The following C6 variants were observed in gnomAD, a reference collection of about 807,000 sequenced individuals.
C6 encodes the protein complement C6.
Under a neutral mutation model 112.9 loss-of-function variants are expected in C6, and 101 were observed. The observed-to-expected ratio is 0.89, with a 90% confidence interval of 0.76 to 1.06. C6 has a LOEUF of 1.06. Among genes scored for constraint, C6 ranks in the 50% least tolerant of loss-of-function variants. The probability of loss-of-function intolerance (pLI) is 0.00; values close to 1 mark genes in which losing one functional copy is unlikely to be tolerated. For synonymous variants in C6, 431 were observed against 384.1 expected (o/e 1.12, Z -1.43); for missense variants, 1,202 against 1,104.6 (o/e 1.09, Z -1.25).
At position 41,153,980 on chromosome 5, in the gene C6, G is replaced by A. The variant is rs1242134972; in HGVS notation, c.2120C>T (p.Pro707Leu). 2 of 1,613,514 alleles carry A rather than the reference G, an allele frequency of 1.2e-6. No individual in the cohort carries two copies. Among genetic ancestry groups the A allele is most frequent in the Admixed American group, 1.7e-5 (1 of 59,964 alleles). ...AATTGTCAGGACTTCCTGCACAACT[G>A]GCTTGATGCACTCCGTCCCTGCAAG... ...VECQRTECIK[P>L]VVQEVLTITP... The change falls in exon 15 of 18, where the codon CCA (proline) becomes CTA (leucine). Residue 707 changes from proline to leucine, a missense_variant. Coordinates refer to ENST00000337836, the MANE Select transcript of C6 (RefSeq NM_000065.5).
chr5:41,192,426 G>C (rs914831907), intron 5 of C6, among the ~76,000 whole-genome samples: 1 of 152,002 alleles, frequency 6.6e-6, no homozygotes, highest in East Asian at 1.9e-4. Flanking sequence ...GTTCCCTTTC[G>C]ATTTTTTGGG....
chr5:41,212,605 C>A (rs1305335448), intron 1 of C6, among the ~76,000 whole-genome samples: 1 of 152,124 alleles, frequency 6.6e-6, no homozygotes, highest in Non-Finnish European at 1.5e-5. Context: ...AGGCATTTTA[C>A]CCATTACTGT....
At chr5:41,223,334 C>T (rs1739293851) in intron 1 of C6, among the ~76,000 whole-genome samples, 1 of 152,084 alleles carries the variant, frequency 6.6e-6, no homozygotes, top group Non-Finnish European at 1.5e-5. Context: ...AATAAAAATG[C>T]TTTTTCTGCT....
intron 16 of C6, 47 bp from the exon 17 acceptor site, chr5:41,149,529 A>G: frequency 6.2e-7 from 1 of 1,610,546 alleles, no homozygotes; most frequent in Non-Finnish European, 8.5e-7. Flanking sequence ...GATCAGAAAA[A>G]AACAGGGGGC....
intron 1 of C6, among the ~76,000 whole-genome samples, chr5:41,209,886 CA>C (rs1262236529): frequency 2.0e-5 from 3 of 152,114 alleles, no homozygotes; most frequent in Non-Finnish European, 4.4e-5. Flanking sequence ...CATATGGTAC[CA>C]AAAAAGAGCC....
At chr5:41,194,436 A>C (rs540683817) in intron 5 of C6, among the ~76,000 whole-genome samples, 1 of 152,154 alleles carries the variant, frequency 6.6e-6, no homozygotes, top group Non-Finnish European at 1.5e-5. Flanking sequence ...TCTTACTTTC[A>C]GACTAATGGT....
At chr5:41,239,198 A>C (rs1243268455) in intron 1 of C6, among the ~76,000 whole-genome samples, 1 of 134,904 alleles carries the variant, frequency 7.4e-6, no homozygotes, top group Non-Finnish European at 1.5e-5. Context: ...CTGCACCTCC[A>C]CCTCCCAGGT....
intron 5 of C6, among the ~76,000 whole-genome samples, chr5:41,191,203 A>G (rs920011860): frequency 6.6e-6 from 1 of 150,510 alleles, no homozygotes; most frequent in African/African-American, 2.4e-5. Flanking sequence ...AGTAGCTGGG[A>G]CTACAGATGC....
At chr5:41,176,204 A>G (rs2150310784) in intron 8 of C6, among the ~76,000 whole-genome samples, 1 of 152,262 alleles carries the variant, frequency 6.6e-6, no homozygotes, top group East Asian at 1.9e-4. Flanking sequence ...TAAGCTTATG[A>G]TGTTCCCAGA....
intron 5 of C6, among the ~76,000 whole-genome samples, chr5:41,193,700 A>G (rs1016594648): frequency 6.6e-6 from 1 of 151,580 alleles, no homozygotes; most frequent in Non-Finnish European, 1.5e-5. Context: ...TTTAGAACCT[A>G]GTGACTGATG....
chr5:41,231,767 C>T (rs1323178782), intron 1 of C6, among the ~76,000 whole-genome samples: 3 of 151,954 alleles, frequency 2.0e-5, no homozygotes, highest in Non-Finnish European at 2.9e-5. Flanking sequence ...ACATTTGGTT[C>T]TGTGTCCTGT....
chr5:41,202,292 AG>A (rs151314829), intron 2 of C6, among the ~76,000 whole-genome samples: 11,882 of 152,180 alleles, frequency 0.078, 608 homozygotes, highest in Middle Eastern at 0.16. Flanking sequence ...CTCTCCAGGG[AG>A]GAGCTTGTGT....
intron 9 of C6, among the ~76,000 whole-genome samples, chr5:41,168,106 A>T (rs1385249406): frequency 6.6e-6 from 1 of 152,180 alleles, no homozygotes; most frequent in African/African-American, 2.4e-5. Context: ...TTTCCACTCA[A>T]TAGCTGCCAA....
intron 1 of C6, among the ~76,000 whole-genome samples, chr5:41,230,776 A>G (rs36121061): frequency 0.36 from 54,650 of 152,034 alleles, 11,291 homozygotes; most frequent in Non-Finnish European, 0.47. Flanking sequence ...TCCTACCAAT[A>G]TGTGATGTCA....
At chr5:41,236,896 T>C (rs1740349601) in intron 1 of C6, among the ~76,000 whole-genome samples, 1 of 144,462 alleles carries the variant, frequency 6.9e-6, no homozygotes, top group African/African-American at 2.6e-5. Flanking sequence ...AAAGGGGATA[T>C]CACCACCAAT....
chr5:41,148,783 G>C (rs1746090503), intron 17 of C6, among the ~76,000 whole-genome samples: 1 of 152,204 alleles, frequency 6.6e-6, no homozygotes. Flanking sequence ...GCCTTGGCTA[G>C]ACTAAGGCAC....
intron 15 of C6, among the ~76,000 whole-genome samples, chr5:41,150,499 T>C (rs1384209119): frequency 6.6e-6 from 1 of 152,016 alleles, no homozygotes; most frequent in Non-Finnish European, 1.5e-5. Flanking sequence ...AAGCATATAA[T>C]AAAAAATTGA....
chr5:41,234,623 C>G (rs1423999732), intron 1 of C6, among the ~76,000 whole-genome samples: 4 of 152,068 alleles, frequency 2.6e-5, no homozygotes, highest in Non-Finnish European at 5.9e-5. Flanking sequence ...TTACTAATGA[C>G]TAATGAACCA....
At chr5:41,260,397 A>G (rs980200646) in intron 1 of C6, among the ~76,000 whole-genome samples, 13 of 151,816 alleles carry the variant, frequency 8.6e-5, no homozygotes, top group African/African-American at 3.1e-4. Context: ...GTGCTTTCAG[A>G]TCCCTTCTCT....
Sources: allele counts gnomAD v4.1 joint callset (sites outside exome capture counted in the v4.1 genomes callset), GRCh38; gene constraint gnomAD v4.1.1; transcripts MANE v1.5; gene names NCBI Gene and HGNC (gene_info 2026-07-23, HGNC 2026-07-21).